Variants in EDIL3 observed in about 807,000 individuals in gnomAD.
The protein encoded by EDIL3 is EGF like and discoidin domains 3.
A neutral mutation model predicts 67.4 loss-of-function variants in EDIL3; 37 were observed. The ratio of observed to expected loss-of-function variants is 0.55; its 90% CI spans 0.42 to 0.72. The LOEUF (loss-of-function observed/expected upper bound fraction) is 0.72. Among genes scored for constraint, EDIL3 ranks in the 30% least tolerant of loss-of-function variants. The pLI is 0.00. For synonymous variants in EDIL3, 195 were observed against 196.3 expected (o/e 0.99, Z 0.05); for missense variants, 527 against 586.3 (o/e 0.90, Z 1.04).
intron 1 of EDIL3, among the ~76,000 whole-genome samples, chr5:84,380,878 C>T (rs1045690905): frequency 7.3e-5 from 11 of 151,604 alleles, no homozygotes; most frequent in Admixed American, 2.0e-4. Context: ...CTTTACATTG[C>T]TATAATTTTA....
chr5:84,292,131 GT>G (rs540697419), intron 1 of EDIL3, among the ~76,000 whole-genome samples: 1 of 151,750 alleles, frequency 6.6e-6, no homozygotes, highest in East Asian at 1.9e-4. Flanking sequence ...GTAAATTTCT[GT>G]TTTTTTGTTT....
At chr5:84,375,883 A>G (rs1190238099) in intron 1 of EDIL3, among the ~76,000 whole-genome samples, 1 of 152,176 alleles carries the variant, frequency 6.6e-6, no homozygotes, top group Non-Finnish European at 1.5e-5. Flanking sequence ...CACTTTACCA[A>G]CCTAAATTTG....
chr5:84,221,616 C>A (rs190935763), intron 3 of EDIL3, among the ~76,000 whole-genome samples: 125 of 152,152 alleles, frequency 8.2e-4, no homozygotes, highest in African/African-American at 2.7e-3. Flanking sequence ...TCTTGGTAAA[C>A]TGACCAAAGC....
At chr5:83,974,833 T>G (rs531324008) in intron 9 of EDIL3, among the ~76,000 whole-genome samples, 1 of 152,190 alleles carries the variant, frequency 6.6e-6, no homozygotes, top group Admixed American at 6.6e-5. Context: ...TAATTTCCAT[T>G]TGCTTTGTTC....
At chr5:84,367,789 T>G (rs1747771268) in intron 1 of EDIL3, among the ~76,000 whole-genome samples, 1 of 152,090 alleles carries the variant, frequency 6.6e-6, no homozygotes, top group African/African-American at 2.4e-5. Flanking sequence ...GTCTAAAAAT[T>G]TCTACCCCAT....
At chr5:84,255,631 G>A (rs1745109955) in intron 1 of EDIL3, among the ~76,000 whole-genome samples, 1 of 152,148 alleles carries the variant, frequency 6.6e-6, no homozygotes, top group South Asian at 2.1e-4. Context: ...GTTATTCTCT[G>A]TAAGGTTTTT....
intron 3 of EDIL3, among the ~76,000 whole-genome samples, chr5:84,219,659 C>T (rs755844858): frequency 3.3e-5 from 5 of 152,122 alleles, no homozygotes; most frequent in South Asian, 2.1e-4. Context: ...GACAGCTGCA[C>T]TCCCATGTTT....
At chr5:84,138,312 A>G (rs1163362001) in intron 4 of EDIL3, among the ~76,000 whole-genome samples, 1 of 152,112 alleles carries the variant, frequency 6.6e-6, no homozygotes, top group East Asian at 1.9e-4. Flanking sequence ...TTGTCTGTTT[A>G]TATTTAGCCC....
rs958675668 is a variant in EDIL3, at chr5:83,942,868, G to A, written c.*551C>T. Reference sequence around the variant, plus strand: ...TTATTAGAAATAATGAAAGTAAAATGAGAATTATAATATCAGTACTGCATG... The same window carrying A: ...TTATTAGAAATAATGAAAGTAAAATAAGAATTATAATATCAGTACTGCATG... On this transcript the variant is annotated 3_prime_UTR_variant, in exon 11 of 11. Coordinates refer to ENST00000296591, the MANE Select transcript of EDIL3 (RefSeq NM_005711.5). 5 of 152,546 alleles carry A rather than the reference G, an allele frequency of 3.3e-5. No individual in the cohort carries two copies. Among genetic ancestry groups the A allele is most frequent in the African/African-American group, 1.2e-4 (5 of 41,422 alleles). 9.4% of individuals were successfully genotyped at this position (152,546 alleles called of 1,614,324 possible).
intron 1 of EDIL3, among the ~76,000 whole-genome samples, chr5:84,317,740 C>T (rs376056514): frequency 7.9e-5 from 12 of 152,058 alleles, no homozygotes; most frequent in African/African-American, 2.4e-4. Context: ...GCATTCCCTT[C>T]GAAAACTGGC....
intron 9 of EDIL3, among the ~76,000 whole-genome samples, chr5:83,988,190 C>T (rs1406901687): frequency 1.3e-5 from 2 of 152,058 alleles, no homozygotes; most frequent in African/African-American, 4.8e-5. Flanking sequence ...CCAAAATCAA[C>T]ACATCTGTGT....
chr5:83,964,103 T>G (rs1205399015), intron 9 of EDIL3, among the ~76,000 whole-genome samples: 2 of 151,928 alleles, frequency 1.3e-5, no homozygotes, highest in African/African-American at 4.8e-5. Context: ...GAAAATTTAG[T>G]AAGATTTAAA....
chr5:83,951,845 C>A (rs991687318), intron 10 of EDIL3, among the ~76,000 whole-genome samples: 7 of 151,722 alleles, frequency 4.6e-5, no homozygotes, highest in South Asian at 4.2e-4. Context: ...AGTTCAACTG[C>A]TCCTAAAAAG....
intron 5 of EDIL3, among the ~76,000 whole-genome samples, chr5:84,116,465 T>C (rs865979307): frequency 1.3e-5 from 2 of 152,164 alleles, no homozygotes; most frequent in Non-Finnish European, 1.5e-5. Context: ...AAGTATTAGG[T>C]TGGGTCAGGG....
chr5:84,135,131 T>C (rs1191714177), intron 5 of EDIL3, among the ~76,000 whole-genome samples: 2 of 152,096 alleles, frequency 1.3e-5, no homozygotes, highest in Non-Finnish European at 2.9e-5. Flanking sequence ...AGCTCCACAT[T>C]CTAGGTCTCC....
rs1193070367 is a variant in EDIL3 at position 84,254,216 on chromosome 5, A to AG, written c.68-5dup. 2.5e-6 allele frequency: 4 copies of AG among 1,596,816 alleles called. No homozygotes were observed. In the African/African-American group the frequency reaches 4.1e-5, roughly 16 times the overall value. ...GGATTGGGATCACAAATATCACCTA[A>AG]GGCATAAAAAAAAACCGAAATTGAC... On this transcript the variant is annotated splice_region_variant and splice_polypyrimidine_tract_variant and intron_variant, in intron 1 of 10. Coordinates refer to ENST00000296591, the MANE Select transcript of EDIL3 (RefSeq NM_005711.5).
chr5:83,978,853 G>C (rs1458599907), intron 9 of EDIL3, among the ~76,000 whole-genome samples: 1 of 152,054 alleles, frequency 6.6e-6, no homozygotes, highest in African/African-American at 2.4e-5. Flanking sequence ...AATGTAAAAA[G>C]TGAAACTTCA....
intron 1 of EDIL3, among the ~76,000 whole-genome samples, chr5:84,374,129 T>C (rs1453052845): frequency 1.3e-5 from 2 of 152,076 alleles, no homozygotes; most frequent in African/African-American, 4.8e-5. Flanking sequence ...AGTGTTAATG[T>C]TGAGAAGCAA....
At chr5:84,222,377 T>C (rs1744360288) in intron 3 of EDIL3, among the ~76,000 whole-genome samples, 1 of 151,892 alleles carries the variant, frequency 6.6e-6, no homozygotes, top group South Asian at 2.1e-4. Context: ...GTAATGTAAA[T>C]GATTAAAATA....
Sources: gnomAD v4.1 joint callset for allele counts (sites outside exome capture counted in the v4.1 genomes callset) on GRCh38, gnomAD v4.1.1 for gene constraint, MANE v1.5 for transcripts, NCBI Gene and HGNC (gene_info 2026-07-23, HGNC 2026-07-21) for gene names.